The following ARHGAP20 variants were observed in gnomAD, a reference collection of about 807,000 sequenced individuals.
ARHGAP20 encodes Rho GTPase activating protein 20.
A neutral mutation model predicts 73.7 loss-of-function variants in ARHGAP20; 34 were observed. The observed-to-expected ratio is 0.46, with a 90% CI of 0.35 to 0.61. The LOEUF is 0.61. Among genes scored for constraint, ARHGAP20 ranks in the 20% least tolerant of loss-of-function variants. The probability of loss-of-function intolerance (pLI) is 0.00; values close to 1 mark genes in which losing one functional copy is unlikely to be tolerated. For synonymous variants in ARHGAP20, 523 were observed against 518.2 expected, an observed-to-expected ratio of 1.01 and a Z score of -0.13; for missense variants, 1,314 against 1,420.9, an observed-to-expected ratio of 0.92 and a Z score of 1.21.
At chr11:110,684,297 A>C (rs1950091328) in intron 2 of ARHGAP20, among the ~76,000 whole-genome samples, 1 of 152,140 alleles carries the variant, frequency 6.6e-6, no homozygotes, top group South Asian at 2.1e-4. Flanking sequence ...GATTTTATTA[A>C]ATTAGTGAAC....
At chr11:110,686,938 A>G (rs1011766044) in intron 2 of ARHGAP20, among the ~76,000 whole-genome samples, 6 of 151,726 alleles carry the variant, frequency 4.0e-5, no homozygotes, top group African/African-American at 1.5e-4. Flanking sequence ...TCTCATCTTT[A>G]TAAGATTATG....
chr11:110,622,401 C>T (rs1948648663), intron 4 of ARHGAP20, among the ~76,000 whole-genome samples: 1 of 152,132 alleles, frequency 6.6e-6, no homozygotes, highest in Non-Finnish European at 1.5e-5. Flanking sequence ...TATAGAGATT[C>T]CCTACATAGT....
At position 110,712,280 on chromosome 11, in the gene ARHGAP20, A is replaced by C; in HGVS notation, c.-49T>G. On this transcript the variant is annotated 5_prime_UTR_variant, in exon 1 of 15. The change abolishes an upstream ATG in the 5' untranslated region. Transcript: ENST00000683387. ...CAGCCCAGGAGGAGGCTACACGATC[A>C]TGTCCGCGGGCTGCCGGCCGGAGGG... 7.9e-7 allele frequency: 1 copy of C among 1,261,774 alleles called. No homozygotes were observed. The highest frequency in any genetic ancestry group is 1.0e-6 in the Non-Finnish European group (1 of 992,604). The allele number at this position is 1,261,774 out of a possible 1,614,324, so 78.2% of individuals were successfully genotyped here.
At position 110,606,551 on chromosome 11, in the gene ARHGAP20, A is replaced by T. The variant is rs746718449; in HGVS notation, c.964+10T>A. 43 of 1,600,700 alleles carry T rather than the reference A, an allele frequency of 2.7e-5. No individual in the cohort carries two copies. Among genetic ancestry groups the T allele is most frequent in the Non-Finnish European group, 3.7e-5 (43 of 1,175,768 alleles). ...TTCAAGAACGAAAACTTTTGCTAGA[A>T]GCAACTCACCACTCAGTTGCTGGGC... On this transcript the variant is annotated intron_variant, in intron 9 of 14. Transcript: ENST00000683387.
chr11:110,637,211 T>C (rs182814535), intron 2 of ARHGAP20, among the ~76,000 whole-genome samples: 3 of 152,214 alleles, frequency 2.0e-5, no homozygotes, highest in Non-Finnish European at 4.4e-5. Context: ...GAGACAGTGT[T>C]GCTTAATCAT....
intron 1 of ARHGAP20, among the ~76,000 whole-genome samples, chr11:110,709,236 A>G (rs1950603500): frequency 6.6e-6 from 1 of 152,208 alleles, no homozygotes; most frequent in African/African-American, 2.4e-5. Flanking sequence ...GGTCCTTTAA[A>G]TAAAGGTTTG....
rs760902497 is a variant in ARHGAP20, at chr11:110,712,218, G to A, written c.14C>T (p.Ser5Phe). 5 of 1,363,950 alleles carry A rather than the reference G, an allele frequency of 3.7e-6. No individual in the cohort carries two copies. Among genetic ancestry groups the A allele is most frequent in the South Asian group, 4.4e-5 (2 of 45,914 alleles). The allele number at this position is 1,363,950 out of a possible 1,614,324, so 84.5% of individuals were successfully genotyped here. Residue 5 changes from serine (S) to phenylalanine (F), a missense_variant, in exon 1 of 15, where the codon TCC becomes TTC. Coordinates refer to ENST00000683387, the MANE Select transcript of ARHGAP20 (RefSeq NM_001384657.1). ...TCCCCCTAGAGTCTCCTGCTGGGGGGACATCGCTTCCATGAAGAAAATCTT... is the reference window on the plus strand; with the variant it reads ...TCCCCCTAGAGTCTCCTGCTGGGGGAACATCGCTTCCATGAAGAAAATCTT... MEAM[S>F]PQQETLGGQP... is the part of the protein sequence containing the mutation.
intron 11 of ARHGAP20, chr11:110,589,511 G>C: frequency 1.0e-6 from 1 of 985,422 alleles, no homozygotes; most frequent in Non-Finnish European, 1.2e-6. Flanking sequence ...TGAGATACAG[G>C]CTGGGGCCTT....
chr11:110,663,256 T>G (rs887508807), intron 2 of ARHGAP20, among the ~76,000 whole-genome samples: 1 of 151,122 alleles, frequency 6.6e-6, no homozygotes, highest in Non-Finnish European at 1.5e-5. Flanking sequence ...AAGCTGGTTC[T>G]TTAAGAGTAC....
chr11:110,622,541 T>A (rs1374305984), intron 4 of ARHGAP20, among the ~76,000 whole-genome samples: 1 of 152,184 alleles, frequency 6.6e-6, no homozygotes, highest in Non-Finnish European at 1.5e-5. Context: ...GATTTCACCA[T>A]TTTTTCCATT....
chr11:110,669,445 T>C (rs929087608), intron 2 of ARHGAP20, among the ~76,000 whole-genome samples: 4 of 151,568 alleles, frequency 2.6e-5, no homozygotes, highest in African/African-American at 4.8e-5. Context: ...TTGGAACATA[T>C]GAAAAACACT....
At chr11:110,611,623 A>C (rs1565437801) in intron 6 of ARHGAP20, among the ~76,000 whole-genome samples, 1 of 152,218 alleles carries the variant, frequency 6.6e-6, no homozygotes, top group Non-Finnish European at 1.5e-5. Context: ...AAGAATATAA[A>C]AGCTTAAGCA....
At chr11:110,673,952 T>C (rs1440880991) in intron 2 of ARHGAP20, among the ~76,000 whole-genome samples, 1 of 152,144 alleles carries the variant, frequency 6.6e-6, no homozygotes, top group Admixed American at 6.5e-5. Context: ...TTTTTTTTTT[T>C]TTTTGAGACA....
intron 2 of ARHGAP20, among the ~76,000 whole-genome samples, chr11:110,655,625 A>C (rs972574531): frequency 6.6e-6 from 1 of 152,158 alleles, no homozygotes; most frequent in African/African-American, 2.4e-5. Context: ...GTAGACAGTC[A>C]TGGGTTTCCT....
chr11:110,586,383 T>C, intron 11 of ARHGAP20, 58 bp from the exon 12 acceptor site: 1 of 1,072,908 alleles, frequency 9.3e-7, no homozygotes. Context: ...AAATATGTAT[T>C]AGAGAAAGTA....
chr11:110,598,509 G>A (rs940851492), intron 9 of ARHGAP20, among the ~76,000 whole-genome samples: 45 of 152,110 alleles, frequency 3.0e-4, no homozygotes, highest in African/African-American at 1.1e-3. Flanking sequence ...CTAAGCCCTG[G>A]GATGAGTTCC....
At chr11:110,711,347 G>A (rs538428417) in intron 1 of ARHGAP20, among the ~76,000 whole-genome samples, 2 of 54 alleles carry the variant, frequency 0.037, no homozygotes, top group African/African-American at 0.12. Context: ...AGAGTCCCAG[G>A]GGCCAGGGAC....
intron 2 of ARHGAP20, among the ~76,000 whole-genome samples, chr11:110,644,095 TTA>T (rs1306100079): frequency 6.6e-6 from 1 of 152,032 alleles, no homozygotes; most frequent in Non-Finnish European, 1.5e-5. Context: ...AAGAATACAG[TTA>T]ACCAAGGAGG....
intron 2 of ARHGAP20, among the ~76,000 whole-genome samples, chr11:110,662,666 G>T (rs1365630529): frequency 6.6e-6 from 1 of 151,892 alleles, no homozygotes; most frequent in Non-Finnish European, 1.5e-5. Flanking sequence ...AACGAAACAT[G>T]AATGTTAACA....
Sources: gnomAD v4.1 joint callset for allele counts (sites outside exome capture counted in the v4.1 genomes callset) on GRCh38, gnomAD v4.1.1 for gene constraint, MANE v1.5 for transcripts, NCBI Gene and HGNC (gene_info 2026-07-23, HGNC 2026-07-21) for gene names.